Variants in HSD17B12 observed in about 807,000 individuals in gnomAD.
The protein encoded by HSD17B12 is hydroxysteroid 17-beta dehydrogenase 12, also known as very-long-chain 3-oxoacyl-CoA reductase.
In HSD17B12, 32 loss-of-function variants were observed where a neutral mutation model predicts 39.3. The ratio of observed to expected loss-of-function variants is 0.81; its 90% CI spans 0.61 to 1.09. The LOEUF is 1.09. HSD17B12 is among the 50% of genes least tolerant of loss of function. The probability of loss-of-function intolerance (pLI) is 0.00; values close to 1 mark genes in which losing one functional copy is unlikely to be tolerated. For missense variants in HSD17B12, 342 were observed against 382.9 expected, an observed-to-expected ratio of 0.89 and a Z score of 0.89; for synonymous variants, 150 against 146.7, an observed-to-expected ratio of 1.02 and a Z score of -0.16.
intron 1 of HSD17B12, among the ~76,000 whole-genome samples, chr11:43,748,386 T>C (rs559163889): frequency 6.6e-6 from 1 of 152,302 alleles, no homozygotes; most frequent in East Asian, 1.9e-4. Context: ...TGCATGTTCT[T>C]ACTTATAAGT....
chr11:43,719,707 T>C (rs1950159138), intron 1 of HSD17B12, among the ~76,000 whole-genome samples: 1 of 152,114 alleles, frequency 6.6e-6, no homozygotes, highest in South Asian at 2.1e-4. Flanking sequence ...TTTGTAAGAC[T>C]ATTAGCTCTA....
At chr11:43,825,441 A>G (rs1951225526) in intron 6 of HSD17B12, among the ~76,000 whole-genome samples, 1 of 152,146 alleles carries the variant, frequency 6.6e-6, no homozygotes, top group South Asian at 2.1e-4. Context: ...GGAGCCCTCT[A>G]TTAATTTGAA....
the HSD17B12 span, among the ~76,000 whole-genome samples, chr11:43,627,665 A>G: frequency 6.6e-6 from 1 of 152,034 alleles, no homozygotes; most frequent in Non-Finnish European, 1.5e-5. Context: ...GCCAATGCTT[A>G]AGATCCTGAT....
chr11:43,755,210 A>G (rs536890717), intron 3 of HSD17B12: 2 of 207,500 alleles, frequency 9.6e-6, no homozygotes, highest in African/African-American at 2.3e-5. Context: ...ATGCTCTAAA[A>G]AAAGTGAGTA....
At chr11:43,599,291 A>G in the HSD17B12 span, among the ~76,000 whole-genome samples, 17 of 152,326 alleles carry the variant, frequency 1.1e-4, no homozygotes, top group African/African-American at 4.1e-4. Flanking sequence ...TGGAGTGAAC[A>G]TTAGCTCAGA....
the HSD17B12 span, among the ~76,000 whole-genome samples, chr11:43,577,474 G>A: frequency 1.2e-4 from 19 of 152,168 alleles, no homozygotes; most frequent in African/African-American, 4.3e-4. Flanking sequence ...CAGAGGCCAG[G>A]CACTATCCGG....
the HSD17B12 span, among the ~76,000 whole-genome samples, chr11:43,640,026 A>C: frequency 6.6e-6 from 1 of 152,210 alleles, no homozygotes; most frequent in Non-Finnish European, 1.5e-5. Context: ...GTATGGAGAG[A>C]TAAGCTTAAC....
the HSD17B12 span, among the ~76,000 whole-genome samples, chr11:43,640,067 A>G: frequency 6.6e-6 from 1 of 152,156 alleles, no homozygotes; most frequent in East Asian, 1.9e-4. Context: ...AAACAAAAAT[A>G]AAATCAGAAT....
At chr11:43,847,704 ACT>A (rs569662241) in intron 9 of HSD17B12, among the ~76,000 whole-genome samples, 71 of 102,702 alleles carry the variant, frequency 6.9e-4, no homozygotes, top group South Asian at 2.5e-3. Context: ...GCAGAGCAAG[ACT>A]CTGCCTCACA....
chr11:43,762,253 A>G (rs1950561148), intron 3 of HSD17B12, among the ~76,000 whole-genome samples: 1 of 152,188 alleles, frequency 6.6e-6, no homozygotes, highest in Non-Finnish European at 1.5e-5. Flanking sequence ...TTTTTGTTCC[A>G]TTGGTCAGCA....
intron 6 of HSD17B12, among the ~76,000 whole-genome samples, chr11:43,822,992 CT>C (rs1951197629): frequency 6.6e-6 from 1 of 151,994 alleles, no homozygotes; most frequent in Non-Finnish European, 1.5e-5. Context: ...ATATTAATTT[CT>C]TTTTACTCTT....
At chr11:43,817,045 T>G (rs1247015782) in intron 6 of HSD17B12, among the ~76,000 whole-genome samples, 17 of 124,610 alleles carry the variant, frequency 1.4e-4, no homozygotes, top group African/African-American at 5.3e-4. Context: ...TATATCTATA[T>G]ATATATATAT....
At chr11:43,741,864 G>A (rs1424356281) in intron 1 of HSD17B12, among the ~76,000 whole-genome samples, 8 of 149,636 alleles carry the variant, frequency 5.3e-5, no homozygotes, top group Admixed American at 5.3e-4. Flanking sequence ...CTCCCAAGCA[G>A]CTGGGACTAC....
the HSD17B12 span, among the ~76,000 whole-genome samples, chr11:43,591,579 C>G: frequency 1.3e-5 from 2 of 152,018 alleles, no homozygotes; most frequent in Non-Finnish European, 2.9e-5. Flanking sequence ...CTTTAGAATT[C>G]TGAAAGGAAA....
intron 1 of HSD17B12, among the ~76,000 whole-genome samples, chr11:43,705,743 CT>C (rs1343455780): frequency 5.0e-5 from 5 of 99,992 alleles, no homozygotes; most frequent in Admixed American, 3.0e-4. Context: ...ATTTAAATTT[CT>C]TTTTTTCCTC....
At chr11:43,616,677 G>A in the HSD17B12 span, among the ~76,000 whole-genome samples, 14 of 151,180 alleles carry the variant, frequency 9.3e-5, no homozygotes, top group East Asian at 2.2e-3. Context: ...ATAGGCAGAA[G>A]TTGGCATTTG....
chr11:43,753,976 G>A, intron 2 of HSD17B12, 70 bp from the exon 3 acceptor site: 1 of 887,566 alleles, frequency 1.1e-6, no homozygotes, highest in Admixed American at 2.3e-5. Flanking sequence ...TCTTAAAATG[G>A]GGGTTATAGC....
At chr11:43,786,929 CA>C (rs1004952601) in intron 3 of HSD17B12, among the ~76,000 whole-genome samples, 2 of 152,112 alleles carry the variant, frequency 1.3e-5, no homozygotes, top group Non-Finnish European at 2.9e-5. Flanking sequence ...ATCCTAGGGT[CA>C]AAATGACTTT....
chr11:43,706,191 G>C (rs1950013117), intron 1 of HSD17B12, among the ~76,000 whole-genome samples: 1 of 151,990 alleles, frequency 6.6e-6, no homozygotes, highest in Non-Finnish European at 1.5e-5. Context: ...GACAGAGATT[G>C]TTTATCTTTA....
Sources: allele counts gnomAD v4.1 joint callset (sites outside exome capture counted in the v4.1 genomes callset), GRCh38; gene constraint gnomAD v4.1.1; transcripts MANE v1.5; gene names NCBI Gene and HGNC (gene_info 2026-07-23, HGNC 2026-07-21).